Variants in RSPO3 observed in about 807,000 individuals in gnomAD.
RSPO3 encodes R-spondin 3.
A neutral mutation model predicts 36.5 loss-of-function variants in RSPO3; 17 were observed. That is an observed-to-expected ratio of 0.47 (90% CI 0.32 to 0.70). The LOEUF (loss-of-function observed/expected upper bound fraction) is 0.70. RSPO3 is among the 30% of genes least tolerant of loss of function. The pLI, the probability that RSPO3 is intolerant of heterozygous loss-of-function variation, is 0.04. For missense variants in RSPO3, 294 were observed against 322.5 expected, an observed-to-expected ratio of 0.91 and a Z score of 0.68; for synonymous variants, 108 against 107.0, an observed-to-expected ratio of 1.01 and a Z score of -0.06.
At chr6:127,124,236 T>C (rs550152387) in intron 1 of RSPO3, among the ~76,000 whole-genome samples, 1 of 152,246 alleles carries the variant, frequency 6.6e-6, no homozygotes, top group Admixed American at 6.5e-5. Flanking sequence ...ATGTTTCATT[T>C]TGGACATATC....
rs1189960879 is a variant in RSPO3 at position 127,142,825 on chromosome 6, TG to T, written c.98-5822del. Among the ~76,000 whole-genome samples, 7 of 152,102 alleles carry T rather than the reference TG, an allele frequency of 4.6e-5. 1 individual carries two copies. The highest frequency in any genetic ancestry group is 4.6e-4 in the Admixed American group (7 of 15,268). On this transcript the variant is annotated intron_variant, in intron 1 of 4. Transcript: ENST00000356698. ...TTGTTTGTTTGTTTGTTTTTGTTTT[TG>T]TTTTTTTTTAGACAAGGTATCTCTC... is the stretch of plus-strand genomic sequence containing the variant.
intron 1 of RSPO3, among the ~76,000 whole-genome samples, chr6:127,137,627 T>G (rs1198486288): frequency 2.0e-5 from 3 of 152,146 alleles, no homozygotes; most frequent in African/African-American, 7.2e-5. Flanking sequence ...CCCTTTAAAT[T>G]CCATAGGTAA....
In RSPO3 at chr6:127,123,326, A is replaced by G. The variant is rs936969562; in HGVS notation, c.97+4037A>G. 2.6e-4 allele frequency among the ~76,000 whole-genome samples: 40 copies of G among 152,154 alleles called. 1 individual carries two copies. Among genetic ancestry groups the G allele is most frequent in the Non-Finnish European group, 7.4e-5 (5 of 67,984 alleles). Reference sequence around the variant, plus strand: ...ATATTGACTACAATGTATTTTTCACACTTGTCTACGTTTCTCACCAGTCTG... The same window carrying G: ...ATATTGACTACAATGTATTTTTCACGCTTGTCTACGTTTCTCACCAGTCTG... On this transcript the variant is annotated intron_variant, in intron 1 of 4. Coordinates refer to ENST00000356698, the MANE Select transcript of RSPO3 (RefSeq NM_032784.5).
At chr6:127,172,453 C>T (rs1227118692) in intron 4 of RSPO3, among the ~76,000 whole-genome samples, 1 of 151,500 alleles carries the variant, frequency 6.6e-6, no homozygotes, top group African/African-American at 2.4e-5. Flanking sequence ...AGTTCAGTTA[C>T]CTGGTTATAT....
chr6:127,124,308 A>C (rs1773899401), intron 1 of RSPO3, among the ~76,000 whole-genome samples: 1 of 151,996 alleles, frequency 6.6e-6, no homozygotes, highest in Admixed American at 6.6e-5. Flanking sequence ...ACCCCAAAAA[A>C]ATTATTTTCC....
chr6:127,136,887 T>C (rs1340640543), intron 1 of RSPO3, among the ~76,000 whole-genome samples: 2 of 152,156 alleles, frequency 1.3e-5, no homozygotes, highest in African/African-American at 4.8e-5. Context: ...TAGCTGACAA[T>C]GTGAACTGGC....
intron 4 of RSPO3, among the ~76,000 whole-genome samples, chr6:127,175,142 A>G (rs1775025803): frequency 1.3e-5 from 2 of 151,658 alleles, no homozygotes; most frequent in South Asian, 4.1e-4. Context: ...TCAATAATTC[A>G]TTTGTCTCCT....
At chr6:127,147,118 G>A (rs138970465) in intron 1 of RSPO3, among the ~76,000 whole-genome samples, 3 of 152,166 alleles carry the variant, frequency 2.0e-5, no homozygotes, top group East Asian at 3.9e-4. Flanking sequence ...TTTACAAAAC[G>A]TCTTGGAATG....
At chr6:127,137,039 G>A (rs1774174267) in intron 1 of RSPO3, among the ~76,000 whole-genome samples, 1 of 152,130 alleles carries the variant, frequency 6.6e-6, no homozygotes, top group African/African-American at 2.4e-5. Flanking sequence ...TATTCTCTAT[G>A]GTAGTAGAAC....
intron 4 of RSPO3, among the ~76,000 whole-genome samples, chr6:127,161,010 C>T (rs1436275790): frequency 6.6e-6 from 1 of 151,668 alleles, no homozygotes. Context: ...TTCTTTCCCA[C>T]CACCTCCAAT....
intron 1 of RSPO3, among the ~76,000 whole-genome samples, chr6:127,131,812 A>T (rs1020170778): frequency 6.6e-5 from 10 of 152,110 alleles, no homozygotes; most frequent in African/African-American, 2.4e-4. Flanking sequence ...GAACCATTGC[A>T]CTGAATAAGT....
chr6:127,124,843 C>T (rs1773910126), intron 1 of RSPO3, among the ~76,000 whole-genome samples: 1 of 152,030 alleles, frequency 6.6e-6, no homozygotes, highest in Middle Eastern at 3.2e-3. Context: ...TCCAGCAATA[C>T]TGAAAAGAAT....
At chr6:127,136,115 A>G (rs2503322) in intron 1 of RSPO3, among the ~76,000 whole-genome samples, 85,097 of 151,850 alleles carry the variant, frequency 0.56, 23,842 homozygotes, top group African/African-American at 0.6. Context: ...TAACTCCTGT[A>G]GCCATTCTGT....
At chr6:127,123,431 T>C (rs1172811180) in intron 1 of RSPO3, among the ~76,000 whole-genome samples, 2 of 152,136 alleles carry the variant, frequency 1.3e-5, no homozygotes, top group African/African-American at 4.8e-5. Context: ...CTTTGATACG[T>C]CGTGTAACAG....
intron 1 of RSPO3, among the ~76,000 whole-genome samples, chr6:127,139,032 A>T (rs1774216387): frequency 6.6e-6 from 1 of 152,144 alleles, no homozygotes; most frequent in African/African-American, 2.4e-5. Flanking sequence ...GATGCATCAT[A>T]CTTACAAAGG....
In RSPO3 at chr6:127,119,255, C is replaced by A. The variant is rs1416103613; in HGVS notation, c.63C>A (p.Ser21Arg). Residue 21 changes from serine to arginine, a missense_variant, in exon 1 of 5, where the codon AGC becomes AGA. By Grantham distance (110) the Ser-to-Arg change is moderately radical. Coordinates refer to ENST00000356698, the MANE Select transcript of RSPO3 (RefSeq NM_032784.5). ...TGAACTTTATGGAATACATCGGCAG[C>A]CAAAACGCCTCCCGGGGAAGGCGCC... ...IILNFMEYIGSQNASRGRRQR... is the reference protein window; with the variant it reads ...IILNFMEYIGRQNASRGRRQR... The A allele has an allele frequency of 2.5e-6, 4 of 1,612,966 alleles. No homozygotes were observed.
intron 4 of RSPO3, among the ~76,000 whole-genome samples, chr6:127,183,682 C>T (rs1418021871): frequency 6.6e-6 from 1 of 151,970 alleles, no homozygotes; most frequent in Non-Finnish European, 1.5e-5. Flanking sequence ...AAGGAGCTAC[C>T]ACAGCCTTTA....
In RSPO3 at chr6:127,160,106, G is replaced by A. The variant is rs78494098; in HGVS notation, c.634+4668G>A. 4.7e-3 allele frequency among the ~76,000 whole-genome samples: 717 copies of A among 152,124 alleles called. 8 individuals carry two copies. Among genetic ancestry groups the A allele is most frequent in the African/African-American group, 0.017 (693 of 41,472 alleles). On this transcript the variant is annotated intron_variant, in intron 4 of 4. Transcript: ENST00000356698. ...TTCATAATACTCTCCTATCTATTCA[G>A]TTGAACTGTTTGCAACCGCCTTTTT...
chr6:127,142,118 A>T (rs911557768), intron 1 of RSPO3, among the ~76,000 whole-genome samples: 1 of 152,164 alleles, frequency 6.6e-6, no homozygotes. Context: ...AAAAAATAAT[A>T]ATGAATAAAC....
Sources: gnomAD v4.1 joint callset for allele counts (sites outside exome capture counted in the v4.1 genomes callset) on GRCh38, gnomAD v4.1.1 for gene constraint, MANE v1.5 for transcripts, NCBI Gene and HGNC (gene_info 2026-07-23, HGNC 2026-07-21) for gene names.